FAM25C: variants seen among roughly 807,000 people sequenced by gnomAD.
FAM25C encodes the protein protein FAM25C.
Under a neutral mutation model 9.6 loss-of-function variants are expected in FAM25C, and 4 were observed. The ratio of observed to expected loss-of-function variants is 0.42; its 90% CI spans 0.20 to 0.95. The LOEUF (loss-of-function observed/expected upper bound fraction) is 0.95. Ranked by LOEUF, FAM25C falls within the 40% of genes least tolerant of loss-of-function variation. The probability of loss-of-function intolerance (pLI) is 0.31; values close to 1 mark genes in which losing one functional copy is unlikely to be tolerated. For missense variants in FAM25C, 38 were observed against 110.4 expected (o/e 0.34, Z 2.94); for synonymous variants, 23 against 44.1 (o/e 0.52, Z 1.89).
In FAM25C at chr10:47,995,575, T is replaced by C. The variant is rs1842790185; in HGVS notation, c.137-64A>G. On this transcript the variant is annotated intron_variant, in intron 2 of 2. Coordinates refer to ENST00000617224, the MANE Select transcript of FAM25C (RefSeq NM_001137548.3). ...CCTGCTGAACTTGTGTCCCCTTGAG[T>C]GGCCTGTGGGATGTGGCCATCTTAA... 9.9e-6 allele frequency: 15 copies of C among 1,522,336 alleles called. 1 individual carries two copies. Among genetic ancestry groups the C allele is most frequent in the Non-Finnish European group, 1.3e-5 (15 of 1,137,998 alleles). The allele number at this position is 1,522,336 out of a possible 1,614,324, so 94.3% of individuals were successfully genotyped here.
Position 47,997,677 on chromosome 10 carries a change from C to T in FAM25C, c.136G>A (p.Ala46Thr). The change falls in exon 2 of 3, where the codon GCC (alanine) becomes ACC (threonine). Residue 46 changes from alanine (A) to threonine (T), a missense_variant and splice_region_variant. Around this residue, in one of 2 missense-constraint regions of FAM25C, gnomAD observed 30 missense variants for 53.0 expected, o/e 0.57. Coordinates refer to ENST00000617224, the MANE Select transcript of FAM25C (RefSeq NM_001137548.3). The part of the protein sequence containing the change: ...VGHAKETGEK[A>T]IAEAIKKAQE... ...CCTGCCCGACCTCAGCCGGCTGTAC[C>T]TTTCTCTCCAGTCTCCTTGGCATGT... The T allele has an allele frequency of 6.7e-7, 1 of 1,498,336 alleles. No homozygotes were observed. The highest frequency in any genetic ancestry group is 1.2e-5 in the South Asian group (1 of 83,020). The allele number at this position is 1,498,336 out of a possible 1,614,324, so 92.8% of individuals were successfully genotyped here. A position where few individuals can be genotyped will look rare whatever the true frequency, so the allele number is the denominator to read the frequency against.
chr10:47,995,652 C>T, intron 2 of FAM25C, 141 bp from the exon 3 acceptor site: 1 of 773,352 alleles, frequency 1.3e-6, no homozygotes, highest in Admixed American at 3.0e-5. Context: ...AGGATTACTG[C>T]AGAATGAATT....
chr10:47,998,234 C>A (rs1205350281), intron 1 of FAM25C, among the ~76,000 whole-genome samples: 1 of 151,068 alleles, frequency 6.6e-6, no homozygotes, highest in Non-Finnish European at 1.5e-5. Flanking sequence ...AAAGCCTCAT[C>A]CACTAAGACC....
At chr10:47,995,993 A>C (rs1589112790) in intron 2 of FAM25C, among the ~76,000 whole-genome samples, 1 of 147,904 alleles carries the variant, frequency 6.8e-6, no homozygotes, top group African/African-American at 2.5e-5. Flanking sequence ...CCCCTCTCCA[A>C]GATTAGGCCA....
At chr10:47,995,813 T>C (rs1555256398) in intron 2 of FAM25C, among the ~76,000 whole-genome samples, 1 of 151,050 alleles carries the variant, frequency 6.6e-6, no homozygotes, top group African/African-American at 2.4e-5. Context: ...GTTGTTATAT[T>C]GGATTATCAT....
chr10:47,995,434 T>C lies in FAM25C; in HGVS notation c.214A>G (p.Thr72Ala), dbSNP rs1555256343. 178 of 1,524,674 alleles carry C rather than the reference T, an allele frequency of 1.2e-4. 4 individuals carry two copies. Among genetic ancestry groups the C allele is most frequent in the Non-Finnish European group, 1.4e-4 (165 of 1,138,208 alleles). The allele number at this position is 1,524,674 out of a possible 1,614,324, so 94.4% of individuals were successfully genotyped here. A position where few individuals can be genotyped will look rare whatever the true frequency, so the allele number is the denominator to read the frequency against. The part of the protein sequence containing the change: ...MKEITETVTN[T>A]VTNAITHAAE... Reference sequence around the variant, plus strand: ...GCATGGGTGATGGCATTTGTGACTGTGTTGGTCACTGTCTCGGTGATTTCC... The same window carrying C: ...GCATGGGTGATGGCATTTGTGACTGCGTTGGTCACTGTCTCGGTGATTTCC... Residue 72 changes from threonine (T) to alanine (A), a missense_variant, in exon 3 of 3, where the codon ACA (threonine) becomes GCA (alanine). Physicochemically the swap from Thr to Ala is moderately conservative, Grantham distance 58 (BLOSUM62 0). Around this residue, in one of 2 missense-constraint regions of FAM25C, gnomAD observed 30 missense variants for 53.0 expected, o/e 0.57. Transcript: ENST00000617224.
chr10:47,997,962 C>A (rs577559381), intron 1 of FAM25C, among the ~76,000 whole-genome samples: 1 of 149,058 alleles, frequency 6.7e-6, no homozygotes, highest in East Asian at 2.0e-4. Context: ...GGGATGCCAC[C>A]CCCAGCCAGG....
At chr10:47,998,084 T>G (rs1842830016) in intron 1 of FAM25C, among the ~76,000 whole-genome samples, 1 of 151,406 alleles carries the variant, frequency 6.6e-6, no homozygotes, top group Non-Finnish European at 1.5e-5. Context: ...CATGGGTCCC[T>G]GAAGCCCCTT....
In FAM25C at chr10:47,998,675, C is replaced by G. The variant is rs868926848; in HGVS notation, c.74-936G>C. ...AACATATGGCTACTTGAGAGAATGG[C>G]AGTGCTAGAAGCAAGGAGCCAGCAA... On this transcript the variant is annotated intron_variant, in intron 1 of 2. Transcript: ENST00000617224. Among the ~76,000 whole-genome samples the G allele has an allele frequency of 2.1e-4, 28 of 135,316 alleles. 3 individuals are homozygous for G. The Admixed American group carries it at 2.1e-3, about 10-fold the overall frequency. 88.8% of individuals were successfully genotyped at this position (135,316 alleles called of 152,430 possible). A position where few individuals can be genotyped will look rare whatever the true frequency, so the allele number is the denominator to read the frequency against.
intron 2 of FAM25C, among the ~76,000 whole-genome samples, chr10:47,996,988 T>C (rs1243763532): frequency 7.0e-6 from 1 of 142,918 alleles, no homozygotes; most frequent in East Asian, 2.0e-4. Flanking sequence ...CCCGCCACCG[T>C]GCCCAGCTAA....
chr10:47,995,754 T>G (rs1842792461), intron 2 of FAM25C, among the ~76,000 whole-genome samples: 1 of 150,070 alleles, frequency 6.7e-6, no homozygotes, highest in Non-Finnish European at 1.5e-5. Context: ...CTGCTTATCC[T>G]TTTTTCTGGA....
At chr10:47,997,509 C>A (rs558336187) in intron 2 of FAM25C, among the ~76,000 whole-genome samples, 168 bp downstream of exon 2, 3 of 151,764 alleles carry the variant, frequency 2.0e-5, no homozygotes, top group South Asian at 2.1e-4. Flanking sequence ...TAACGCAGTA[C>A]GGTCTGTGGC....
chr10:47,997,373 T>G (rs1245406002), intron 2 of FAM25C, among the ~76,000 whole-genome samples: 2 of 151,824 alleles, frequency 1.3e-5, no homozygotes, highest in Non-Finnish European at 2.9e-5. Context: ...CCTCCCAAAG[T>G]GCTGGGATTA....
At chr10:47,997,895 G>T (rs1169801598) in intron 1 of FAM25C, among the ~76,000 whole-genome samples, 156 bp from the exon 2 acceptor site, 1,670 of 118,722 alleles carry the variant, frequency 0.014, no homozygotes, top group African/African-American at 0.029. Context: ...GAGGGCTCAG[G>T]GCTGGCTTAT....
intron 2 of FAM25C, among the ~76,000 whole-genome samples, chr10:47,996,870 C>T (rs571379015): frequency 3.1e-4 from 34 of 108,974 alleles, no homozygotes; most frequent in South Asian, 9.6e-4. Context: ...ATCACAGTGT[C>T]GCCCAGGCTG....
At chr10:47,997,397 C>T (rs1309061762) in intron 2 of FAM25C, among the ~76,000 whole-genome samples, 1 of 151,916 alleles carries the variant, frequency 6.6e-6, no homozygotes, top group Non-Finnish European at 1.5e-5. Flanking sequence ...GCATGAGCCA[C>T]CGTGCCCTGC....
intron 2 of FAM25C, among the ~76,000 whole-genome samples, chr10:47,995,931 C>T (rs1162760080): frequency 1.4e-4 from 21 of 147,034 alleles, no homozygotes; most frequent in African/African-American, 5.3e-4. Flanking sequence ...GTCAAATTTA[C>T]TTAATATTTC....
rs569353186 is a variant in FAM25C at position 47,998,203 on chromosome 10, G to A, written c.74-464C>T. 6.6e-4 allele frequency among the ~76,000 whole-genome samples: 100 copies of A among 151,344 alleles called. 1 individual carries two copies. The highest frequency in any genetic ancestry group is 2.0e-3 in the African/African-American group (83 of 41,220). On this transcript the variant is annotated intron_variant, in intron 1 of 2. Transcript: ENST00000617224. ...CACACCCCTCTCAGGATGTGCTAGC[G>A]CCTGCCTCAGGTTGGTTTCCAAAGC...
intron 2 of FAM25C, among the ~76,000 whole-genome samples, chr10:47,996,206 G>C (rs1312212658): frequency 7.5e-6 from 1 of 133,446 alleles, no homozygotes; most frequent in Admixed American, 7.9e-5. Flanking sequence ...CCATGAACCA[G>C]AAAGACTCCC....
Sources: allele counts gnomAD v4.1 joint callset (sites outside exome capture counted in the v4.1 genomes callset), GRCh38; gene constraint gnomAD v4.1.1; regional missense constraint gnomAD v4.1.1; transcripts MANE v1.5; gene names NCBI Gene and HGNC (gene_info 2026-07-23, HGNC 2026-07-21).